PHACTR1: variants seen among roughly 807,000 people sequenced by gnomAD.
The protein encoded by PHACTR1 is phosphatase and actin regulator 1, also known as RPEL repeat containing 1.
In PHACTR1, 16 loss-of-function variants were observed where a neutral mutation model predicts 69.2. That is an observed-to-expected ratio of 0.23 (90% CI 0.16 to 0.35). The LOEUF is 0.35. Ranked by LOEUF, PHACTR1 falls within the 10% of genes least tolerant of loss-of-function variation. The pLI is 1.00. For synonymous variants in PHACTR1, 312 were observed against 284.5 expected (o/e 1.10, Z -0.97); for missense variants, 510 against 734.7 (o/e 0.69, Z 3.54).
chr6:12,780,012 C>G (rs1188358170), intron 4 of PHACTR1, among the ~76,000 whole-genome samples: 2 of 152,090 alleles, frequency 1.3e-5, no homozygotes, highest in African/African-American at 2.4e-5. Context: ...CCACCCTACT[C>G]TAGCCTAGAG....
chr6:12,766,887 T>C (rs1173188476), intron 4 of PHACTR1, among the ~76,000 whole-genome samples: 1 of 152,228 alleles, frequency 6.6e-6, no homozygotes, highest in Admixed American at 6.5e-5. Context: ...ATTATTGCTT[T>C]ACTGCTATTT....
At chr6:13,102,874 TGACA>T (rs1364480555) in intron 5 of PHACTR1, among the ~76,000 whole-genome samples, 2 of 152,190 alleles carry the variant, frequency 1.3e-5, no homozygotes, top group South Asian at 4.1e-4. Context: ...ATCTCTAACG[TGACA>T]GACAGACCCC....
intron 4 of PHACTR1, among the ~76,000 whole-genome samples, chr6:12,779,074 G>A (rs909190100): frequency 1.5e-4 from 23 of 152,202 alleles, no homozygotes; most frequent in African/African-American, 5.3e-4. Context: ...GGTGGCTCAT[G>A]CCTGTAATCC....
intron 3 of PHACTR1, among the ~76,000 whole-genome samples, chr6:12,720,735 A>T (rs904594804): frequency 2.6e-5 from 4 of 152,230 alleles, no homozygotes; most frequent in Non-Finnish European, 4.4e-5. Flanking sequence ...CCTGAACCAG[A>T]TATCCTGGTG....
chr6:13,174,982 G>A (rs1761125589), intron 6 of PHACTR1, among the ~76,000 whole-genome samples: 1 of 152,158 alleles, frequency 6.6e-6, no homozygotes, highest in Non-Finnish European at 1.5e-5. Flanking sequence ...CCAACATAAT[G>A]CTGGACACCG....
chr6:13,001,831 G>C (rs778188355), intron 4 of PHACTR1, among the ~76,000 whole-genome samples: 14 of 152,180 alleles, frequency 9.2e-5, no homozygotes, highest in Non-Finnish European at 1.8e-4. Flanking sequence ...ATATCCATGA[G>C]GAATTTCACT....
intron 4 of PHACTR1, among the ~76,000 whole-genome samples, chr6:12,855,746 A>G (rs1285057990): frequency 6.6e-6 from 1 of 152,152 alleles, no homozygotes; most frequent in Admixed American, 6.5e-5. Flanking sequence ...CTCAGCATAA[A>G]ACAATGTACC....
At chr6:12,844,226 C>T (rs531151646) in intron 4 of PHACTR1, among the ~76,000 whole-genome samples, 5 of 152,100 alleles carry the variant, frequency 3.3e-5, no homozygotes, top group East Asian at 3.9e-4. Context: ...AAGATTCCAT[C>T]GCTACAAAAA....
At chr6:12,768,109 C>CTTTTTT (rs781107897) in intron 4 of PHACTR1, among the ~76,000 whole-genome samples, 45 of 107,544 alleles carry the variant, frequency 4.2e-4, no homozygotes, top group East Asian at 5.6e-4. Context: ...CTATCAAATC[C>CTTTTTT]TTTTTTTTTT....
chr6:13,013,786 C>T (rs958198092), intron 4 of PHACTR1, among the ~76,000 whole-genome samples: 1 of 149,932 alleles, frequency 6.7e-6, no homozygotes, highest in African/African-American at 2.4e-5. Context: ...TATAGAGCGG[C>T]CGGCGCGGGC....
intron 10 of PHACTR1, among the ~76,000 whole-genome samples, chr6:13,268,141 C>A (rs1170355504): frequency 5.3e-5 from 8 of 152,174 alleles, no homozygotes; most frequent in Non-Finnish European, 7.3e-5. Flanking sequence ...GTGGCACACA[C>A]CTGTAATCCC....
At chr6:13,231,086 A>AGGGAAAAGGAAG (rs369662349) in intron 10 of PHACTR1, among the ~76,000 whole-genome samples, 1 of 40,478 alleles carries the variant, frequency 2.5e-5, no homozygotes, top group Non-Finnish European at 4.4e-5. Flanking sequence ...GAAGGAAGGA[A>AGGGAAAAGGAAG]GAAGGAAGGA....
At chr6:12,955,154 A>T (rs1259508296) in intron 4 of PHACTR1, among the ~76,000 whole-genome samples, 1 of 150,650 alleles carries the variant, frequency 6.6e-6, no homozygotes, top group East Asian at 1.9e-4. Flanking sequence ...ACTACTAGAA[A>T]ATTGAAAATT....
rs916896525 is a variant in PHACTR1, at chr6:12,987,515, G to A, written c.251-65850G>A. Reference sequence around the variant, plus strand: ...TCTGTTTGGAAATAATGAGAGCTGGGGATGCACAGGTGAAACCATGAGAGA... The same window carrying A: ...TCTGTTTGGAAATAATGAGAGCTGGAGATGCACAGGTGAAACCATGAGAGA... On this transcript the variant is annotated intron_variant, in intron 4 of 14. Transcript: ENST00000332995. Among the ~76,000 whole-genome samples, 35 of 152,126 alleles carry A rather than the reference G, an allele frequency of 2.3e-4. 1 individual carries two copies. The highest frequency in any genetic ancestry group is 1.9e-3 in the Admixed American group (29 of 15,270).
At chr6:13,128,256 G>A (rs1348159555) in intron 5 of PHACTR1, among the ~76,000 whole-genome samples, 6 of 12,214 alleles carry the variant, frequency 4.9e-4, no homozygotes, top group Non-Finnish European at 9.3e-4. Context: ...TAATACCCCC[G>A]ATCATACCAG....
intron 4 of PHACTR1, among the ~76,000 whole-genome samples, chr6:12,898,751 G>A (rs981275447): frequency 3.9e-5 from 6 of 152,118 alleles, no homozygotes; most frequent in Non-Finnish European, 8.8e-5. Context: ...CCTTGTTGCC[G>A]GGACTTCCCC....
intron 8 of PHACTR1, among the ~76,000 whole-genome samples, chr6:13,211,033 A>C (rs1018566130): frequency 6.9e-6 from 1 of 145,836 alleles, no homozygotes; most frequent in Non-Finnish European, 1.5e-5. Context: ...TCTTGTTCTT[A>C]AGAAACAAGC....
At chr6:13,030,974 T>C (rs1192145141) in intron 4 of PHACTR1, among the ~76,000 whole-genome samples, 1 of 152,176 alleles carries the variant, frequency 6.6e-6, no homozygotes, top group Admixed American at 6.5e-5. Context: ...TGGCCTCCAC[T>C]CACTAGATGC....
At chr6:12,924,844 G>A (rs911186282) in intron 4 of PHACTR1, among the ~76,000 whole-genome samples, 2 of 151,710 alleles carry the variant, frequency 1.3e-5, no homozygotes, top group African/African-American at 4.8e-5. Flanking sequence ...CACTCATTTG[G>A]ACCCAACTTT....
Sources: allele counts gnomAD v4.1 joint callset (sites outside exome capture counted in the v4.1 genomes callset), GRCh38; gene constraint gnomAD v4.1.1; transcripts MANE v1.5; gene names NCBI Gene and HGNC (gene_info 2026-07-23, HGNC 2026-07-21).